Variants in OPCML observed in about 807,000 individuals in gnomAD.
OPCML encodes opioid binding protein/cell adhesion molecule like, also known as opioid-binding protein/cell adhesion molecule.
Under a neutral mutation model 37.8 loss-of-function variants are expected in OPCML, and 13 were observed. The ratio of observed to expected loss-of-function variants is 0.34; its 90% CI spans 0.22 to 0.55. The LOEUF (loss-of-function observed/expected upper bound fraction) is 0.55. Among genes scored for constraint, OPCML ranks in the 20% least tolerant of loss-of-function variants. The pLI, the probability that OPCML is intolerant of heterozygous loss-of-function variation, is 0.91. For missense variants in OPCML, 341 were observed against 435.6 expected, an observed-to-expected ratio of 0.78 and a Z score of 1.93; for synonymous variants, 176 against 168.8, an observed-to-expected ratio of 1.04 and a Z score of -0.33.
Position 133,015,565 on chromosome 11 carries a change from CTG to C in OPCML, c.62-72557_62-72556del, listed in dbSNP as rs1393360572. 2.0e-5 allele frequency among the ~76,000 whole-genome samples: 3 copies of C among 152,190 alleles called. No homozygotes were observed. In the East Asian group the frequency reaches 5.8e-4, roughly 29 times the overall value. ...ACCCATAATTATACTTAATCCAATT[CTG>C]TGTGCCTGAAGGCCAAGTAGAAAAA... is the stretch of plus-strand genomic sequence containing the variant. On this transcript the variant is annotated intron_variant, in intron 1 of 7. Transcript: ENST00000524381.
intron 1 of OPCML, among the ~76,000 whole-genome samples, chr11:133,373,243 T>C (rs941101750): frequency 5.3e-5 from 8 of 151,592 alleles, no homozygotes; most frequent in African/African-American, 1.9e-4. Context: ...AAAAAAACTT[T>C]AACAAAAGTT....
intron 2 of OPCML, among the ~76,000 whole-genome samples, chr11:132,924,161 G>A (rs1944910393): frequency 6.6e-6 from 1 of 151,298 alleles, no homozygotes; most frequent in Non-Finnish European, 1.5e-5. Flanking sequence ...ATGTGAAGAG[G>A]GACAGAGAGA....
chr11:133,513,998 C>A (rs1043283825), intron 1 of OPCML, among the ~76,000 whole-genome samples: 4 of 152,174 alleles, frequency 2.6e-5, no homozygotes, highest in African/African-American at 9.7e-5. Context: ...CCCTACACAC[C>A]AAGCCCCTCT....
intron 1 of OPCML, among the ~76,000 whole-genome samples, chr11:133,444,696 A>C (rs1005463953): frequency 6.6e-6 from 1 of 152,228 alleles, no homozygotes; most frequent in African/African-American, 2.4e-5. Flanking sequence ...ATCCCTAGAG[A>C]AATAGATTAA....
In OPCML at chr11:132,419,401, A is replaced by G. The variant is rs925518885; in HGVS notation, c.*792T>C. The stretch of plus-strand genomic sequence containing the variant: ...TTACTTTGATAGATAGCTTGACAAA[A>G]CCTAAATAAATCAGCCACCTATCAA... On this transcript the variant is annotated 3_prime_UTR_variant, in exon 8 of 8. Coordinates refer to ENST00000524381, the MANE Select transcript of OPCML (RefSeq NM_001012393.5). The G allele has an allele frequency of 6.6e-6, 1 of 152,170 alleles. No individual in the cohort carries two copies. Among genetic ancestry groups the G allele is most frequent in the Non-Finnish European group, 1.5e-5 (1 of 68,034 alleles). 9.4% of individuals were successfully genotyped at this position (152,170 alleles called of 1,614,324 possible).
At chr11:132,446,797 T>C (rs1053655425) in intron 4 of OPCML, among the ~76,000 whole-genome samples, 1 of 152,172 alleles carries the variant, frequency 6.6e-6, no homozygotes, top group Non-Finnish European at 1.5e-5. Flanking sequence ...TTTAGAAACC[T>C]GATCAATGCA....
intron 1 of OPCML, among the ~76,000 whole-genome samples, chr11:133,494,200 T>C (rs1467977016): frequency 2.6e-5 from 4 of 152,048 alleles, no homozygotes; most frequent in Admixed American, 2.6e-4. Context: ...AGAATGGCGA[T>C]CATTAAAAAG....
chr11:132,582,566 G>A (rs1044276319), intron 3 of OPCML, among the ~76,000 whole-genome samples: 1 of 151,982 alleles, frequency 6.6e-6, no homozygotes, highest in African/African-American at 2.4e-5. Flanking sequence ...TTGGACTCCT[G>A]GAATATTCAA....
chr11:132,786,747 A>G (rs549999339), intron 2 of OPCML, among the ~76,000 whole-genome samples: 5 of 152,180 alleles, frequency 3.3e-5, no homozygotes, highest in Non-Finnish European at 5.9e-5. Context: ...CATTCAAACG[A>G]TATCTGCTGA....
chr11:133,007,615 C>T, intron 1 of OPCML: 5 of 985,402 alleles, frequency 5.1e-6, no homozygotes, highest in Non-Finnish European at 4.8e-6. Flanking sequence ...CTGGGATGCA[C>T]ATGCTTATTT....
chr11:133,334,045 G>A (rs1279667937), intron 1 of OPCML, among the ~76,000 whole-genome samples: 1 of 152,160 alleles, frequency 6.6e-6, no homozygotes, highest in Non-Finnish European at 1.5e-5. Flanking sequence ...CTGTTAGTGG[G>A]AATATAAATT....
chr11:132,553,973 A>G (rs1159776529), intron 3 of OPCML, among the ~76,000 whole-genome samples: 2 of 152,164 alleles, frequency 1.3e-5, no homozygotes, highest in East Asian at 1.9e-4. Context: ...GCCCTTTATC[A>G]TCTTTGCTGA....
intron 7 of OPCML, among the ~76,000 whole-genome samples, chr11:132,428,561 C>A (rs1043243970): frequency 1.3e-5 from 2 of 152,178 alleles, no homozygotes; most frequent in African/African-American, 4.8e-5. Flanking sequence ...AAAGTATGCA[C>A]TCATCAGGCA....
chr11:132,802,915 T>C (rs141243119), intron 2 of OPCML, among the ~76,000 whole-genome samples: 2 of 152,308 alleles, frequency 1.3e-5, no homozygotes, highest in East Asian at 3.9e-4. Flanking sequence ...TAAATGCTTT[T>C]TTCTTCCTAG....
chr11:133,437,868 T>C (rs7126471), intron 1 of OPCML, among the ~76,000 whole-genome samples: 53,671 of 151,992 alleles, frequency 0.35, 13,804 homozygotes, highest in African/African-American at 0.73. Flanking sequence ...ATTTTAAACC[T>C]ATACTCCACA....
chr11:132,789,288 C>T (rs1395734006), intron 2 of OPCML, among the ~76,000 whole-genome samples: 2 of 152,132 alleles, frequency 1.3e-5, no homozygotes, highest in African/African-American at 4.8e-5. Context: ...GCCTTGTTCA[C>T]CACTGTCTAG....
intron 1 of OPCML, among the ~76,000 whole-genome samples, chr11:132,956,811 C>T (rs557469894): frequency 6.6e-6 from 1 of 152,242 alleles, no homozygotes; most frequent in African/African-American, 2.4e-5. Flanking sequence ...TGGATGGAAT[C>T]AGTTTTACAA....
intron 1 of OPCML, among the ~76,000 whole-genome samples, chr11:133,076,706 T>C (rs1446212476): frequency 1.5e-5 from 2 of 137,072 alleles, no homozygotes; most frequent in Non-Finnish European, 3.3e-5. Flanking sequence ...AGCCTCATCA[T>C]TGTCATCATC....
intron 2 of OPCML, among the ~76,000 whole-genome samples, chr11:132,799,011 G>T (rs1591626859): frequency 6.6e-6 from 1 of 152,100 alleles, no homozygotes; most frequent in East Asian, 1.9e-4. Context: ...AGCACGGGCA[G>T]AGTAGATTTA....
Sources: allele counts gnomAD v4.1 joint callset (sites outside exome capture counted in the v4.1 genomes callset), GRCh38; gene constraint gnomAD v4.1.1; transcripts MANE v1.5; gene names NCBI Gene and HGNC (gene_info 2026-07-23, HGNC 2026-07-21).